SGIP1: variants seen among roughly 807,000 people sequenced by gnomAD.
The protein encoded by SGIP1 is SH3-containing GRB2-like protein 3-interacting protein 1.
SGIP1 carries 38 observed loss-of-function variants against 107.5 expected under a neutral mutation model. The ratio of observed to expected loss-of-function variants is 0.35; its 90% confidence interval spans 0.27 to 0.46. SGIP1 has a LOEUF of 0.46. Among genes scored for constraint, SGIP1 ranks in the 20% least tolerant of loss-of-function variants. SGIP1 has a pLI of 1.00. For missense variants in SGIP1, 929 were observed against 1,019.5 expected (o/e 0.91, Z 1.21); for synonymous variants, 365 against 366.1 (o/e 1.00, Z 0.03).
intron 12 of SGIP1, among the ~76,000 whole-genome samples, chr1:66,675,327 A>C (rs769370818): frequency 1.3e-5 from 2 of 152,000 alleles, no homozygotes; most frequent in Non-Finnish European, 2.9e-5. Context: ...GGTGGGGAGG[A>C]GATACACACC....
rs548090322 is a variant in SGIP1 at position 66,552,503 on chromosome 1, G to C, written c.10+18135G>C. On this transcript the variant is annotated intron_variant, in intron 1 of 24. Coordinates refer to ENST00000371037, the MANE Select transcript of SGIP1 (RefSeq NM_032291.4). ...CTCCTGTTCTGTGGTCTCTGCCTTT[G>C]TTCTTCCCTCACACAGGCAAGTTTA... Among the ~76,000 whole-genome samples the C allele has an allele frequency of 1.1e-3, 171 of 152,120 alleles. 1 individual carries two copies. The highest frequency in any genetic ancestry group is 4.0e-3 in the African/African-American group (164 of 41,502).
In SGIP1 at chr1:66,743,189, T is replaced by C; in HGVS notation, c.*94T>C. On this transcript the variant is annotated 3_prime_UTR_variant, in exon 25 of 25. Coordinates refer to ENST00000371037, the MANE Select transcript of SGIP1 (RefSeq NM_032291.4). The stretch of plus-strand genomic sequence containing the variant: ...TTTTGGTTTGATGAAAACAAACCAA[T>C]ATCTGCACTTGGGATATATCAGGTG... 7.9e-7 allele frequency: 1 copy of C among 1,266,308 alleles called. No homozygotes were observed. The highest frequency in any genetic ancestry group is 1.2e-5 in the South Asian group (1 of 80,202). The allele number at this position is 1,266,308 out of a possible 1,614,324, so 78.4% of individuals were successfully genotyped here.
intron 15 of SGIP1, among the ~76,000 whole-genome samples, chr1:66,686,021 A>G (rs530322586): frequency 3.1e-4 from 47 of 151,514 alleles, no homozygotes; most frequent in South Asian, 8.3e-4. Flanking sequence ...AGTTTTTCAC[A>G]TATCTCAAAG....
intron 22 of SGIP1, among the ~76,000 whole-genome samples, chr1:66,739,859 G>A (rs1214043180): frequency 1.3e-5 from 2 of 152,200 alleles, no homozygotes; most frequent in African/African-American, 4.8e-5. Flanking sequence ...AATTCAGGAA[G>A]CCACAGCTGT....
chr1:66,620,428 A>G (rs7532173), intron 1 of SGIP1, among the ~76,000 whole-genome samples: 88,907 of 151,936 alleles, frequency 0.59, 26,893 homozygotes, highest in East Asian at 0.99. Flanking sequence ...TAAAGAAAGG[A>G]GGTTTAATTG....
intron 1 of SGIP1, among the ~76,000 whole-genome samples, chr1:66,620,200 A>T (rs2070610452): frequency 2.0e-5 from 3 of 152,216 alleles, no homozygotes; most frequent in Admixed American, 2.0e-4. Flanking sequence ...AAGCCAGGAA[A>T]TTCTAAGGTA....
At chr1:66,692,508 T>C (rs2090085204) in intron 17 of SGIP1, among the ~76,000 whole-genome samples, 1 of 152,178 alleles carries the variant, frequency 6.6e-6, no homozygotes, top group South Asian at 2.1e-4. Flanking sequence ...AAATATATTG[T>C]CAAGACTGAC....
intron 19 of SGIP1, among the ~76,000 whole-genome samples, chr1:66,728,056 AG>A (rs2093839293): frequency 1.3e-5 from 2 of 152,172 alleles, no homozygotes; most frequent in South Asian, 4.1e-4. Flanking sequence ...TTAAAAAAAA[AG>A]AATTGTTTTT....
rs573796353 is a variant in SGIP1 at position 66,600,581 on chromosome 1, T to TTC, written c.11-25265_11-25264dup. 3.5e-3 allele frequency among the ~76,000 whole-genome samples: 531 copies of TTC among 152,280 alleles called. 3 individuals carry two copies. Among genetic ancestry groups the TTC allele is most frequent in the African/African-American group, 0.012 (495 of 41,552 alleles). ...CTGGGTGAACATGTGAGAAAGGGAA[T>TTC]TCAGAGCAGAGAGAAGAGTGTGCTC... On this transcript the variant is annotated intron_variant, in intron 1 of 24. Coordinates refer to ENST00000371037, the MANE Select transcript of SGIP1 (RefSeq NM_032291.4).
intron 7 of SGIP1, 66 bp downstream of exon 7, chr1:66,643,785 G>T: frequency 7.1e-7 from 1 of 1,405,698 alleles, no homozygotes; most frequent in African/African-American, 1.5e-5. Context: ...CTGCCTATAT[G>T]CATTAAGTCA....
intron 19 of SGIP1, among the ~76,000 whole-genome samples, chr1:66,728,539 T>C (rs977884736): frequency 1.3e-5 from 2 of 152,198 alleles, no homozygotes; most frequent in Admixed American, 1.3e-4. Context: ...TAGAAAATAG[T>C]GTGGTGATTC....
intron 18 of SGIP1, among the ~76,000 whole-genome samples, chr1:66,705,153 A>G (rs2092375522): frequency 6.6e-6 from 1 of 152,190 alleles, no homozygotes; most frequent in Admixed American, 6.5e-5. Context: ...GTGGACTGTC[A>G]GCAGACAAAA....
In SGIP1 at chr1:66,556,709, G is replaced by T. The variant is rs113394873; in HGVS notation, c.10+22341G>T. 4.6e-3 allele frequency among the ~76,000 whole-genome samples: 698 copies of T among 150,832 alleles called. 4 individuals carry two copies. Among genetic ancestry groups the T allele is most frequent in the African/African-American group, 0.016 (667 of 40,980 alleles). ...CTACTTCTGATGCCAACTGGACCCT[G>T]TTCAAATGAGCGTGGAGATCAGAAA... is the stretch of plus-strand genomic sequence containing the variant. On this transcript the variant is annotated intron_variant, in intron 1 of 24. Coordinates refer to ENST00000371037, the MANE Select transcript of SGIP1 (RefSeq NM_032291.4).
chr1:66,624,575 C>G (rs983168086), intron 1 of SGIP1, among the ~76,000 whole-genome samples: 3 of 152,084 alleles, frequency 2.0e-5, no homozygotes, highest in Non-Finnish European at 4.4e-5. Context: ...TCCTAAGAGG[C>G]AGATAATGAA....
chr1:66,741,028 G>A (rs993119641), intron 23 of SGIP1, among the ~76,000 whole-genome samples: 1 of 152,064 alleles, frequency 6.6e-6, no homozygotes, highest in Admixed American at 6.6e-5. Flanking sequence ...ATTAATCATA[G>A]GTTGGAAAAT....
chr1:66,584,426 A>G (rs2062257981), intron 1 of SGIP1, among the ~76,000 whole-genome samples: 1 of 152,160 alleles, frequency 6.6e-6, no homozygotes, highest in Non-Finnish European at 1.5e-5. Context: ...AACAGTGCAA[A>G]TATCTCTTCT....
intron 1 of SGIP1, among the ~76,000 whole-genome samples, chr1:66,619,981 G>C (rs2070521337): frequency 3.3e-5 from 5 of 152,192 alleles, no homozygotes; most frequent in Admixed American, 3.3e-4. Flanking sequence ...AATTAGTATA[G>C]AGTCCAAGTT....
intron 1 of SGIP1, among the ~76,000 whole-genome samples, chr1:66,598,676 C>T (rs933887554): frequency 2.6e-5 from 4 of 152,098 alleles, no homozygotes; most frequent in Non-Finnish European, 2.9e-5. Context: ...AGAAAGGTGG[C>T]GCAGAGGTGC....
rs868616874 is a variant in SGIP1, at chr1:66,697,751, G to A, written c.1630+2258G>A. Among the ~76,000 whole-genome samples, 16 of 152,106 alleles carry A rather than the reference G, an allele frequency of 1.1e-4. No homozygotes were observed. In the South Asian group the frequency reaches 3.1e-3, roughly 30 times the overall value. ...CTAGAAGAATTTTTTTAATTTTTCT[G>A]CTGTGATGATAAAATGACATAGAAA... On this transcript the variant is annotated intron_variant, in intron 18 of 24. Coordinates refer to ENST00000371037, the MANE Select transcript of SGIP1 (RefSeq NM_032291.4).
Sources: allele counts gnomAD v4.1 joint callset (sites outside exome capture counted in the v4.1 genomes callset), GRCh38; gene constraint gnomAD v4.1.1; transcripts MANE v1.5; gene names NCBI Gene and HGNC (gene_info 2026-07-23, HGNC 2026-07-21).